Variants in JARID2 observed in about 807,000 individuals in gnomAD.
JARID2 encodes the protein protein Jumonji.
A neutral mutation model predicts 125.6 loss-of-function variants in JARID2; 21 were observed. That is an observed-to-expected ratio of 0.17 (90% confidence interval 0.12 to 0.24). JARID2 has a LOEUF of 0.24. Ranked by LOEUF, JARID2 falls within the 10% of genes least tolerant of loss-of-function variation. The pLI is 1.00. For missense variants in JARID2, 1,303 were observed against 1,639.6 expected (o/e 0.79, Z 3.55); for synonymous variants, 736 against 661.6 (o/e 1.11, Z -1.73).
intron 3 of JARID2, among the ~76,000 whole-genome samples, chr6:15,415,439 G>T (rs1316090231): frequency 2.0e-5 from 3 of 148,576 alleles, no homozygotes; most frequent in East Asian, 4.0e-4. Context: ...TGGCCGGGCG[G>T]GGGGCTGACA....
intron 9 of JARID2, among the ~76,000 whole-genome samples, chr6:15,506,481 T>G (rs895121932): frequency 2.6e-5 from 4 of 152,178 alleles, no homozygotes; most frequent in African/African-American, 9.7e-5. Flanking sequence ...TGGGGGCTTA[T>G]GAGTTAGGCT....
chr6:15,270,413 C>G (rs1039111929), intron 1 of JARID2, among the ~76,000 whole-genome samples: 2 of 152,084 alleles, frequency 1.3e-5, no homozygotes, highest in Non-Finnish European at 2.9e-5. Context: ...ATTACAGGCA[C>G]GAGCCACTGC....
intron 1 of JARID2, among the ~76,000 whole-genome samples, chr6:15,336,833 C>A (rs886345609): frequency 3.3e-5 from 5 of 151,952 alleles, no homozygotes; most frequent in African/African-American, 9.7e-5. Flanking sequence ...CCTGTGCGAG[C>A]CACTGTATTT....
At chr6:15,400,808 C>G (rs973814257) in intron 2 of JARID2, 3 of 1,246,484 alleles carry the variant, frequency 2.4e-6, no homozygotes, top group East Asian at 5.7e-5. Flanking sequence ...TATTGCCGCG[C>G]GGAATCTGCA....
intron 1 of JARID2, among the ~76,000 whole-genome samples, chr6:15,295,264 G>A (rs1459409056): frequency 1.3e-5 from 2 of 151,962 alleles, no homozygotes; most frequent in African/African-American, 4.8e-5. Flanking sequence ...TGGGACTACA[G>A]GCGCCCGCCA....
At chr6:15,275,179 A>G (rs975035333) in intron 1 of JARID2, among the ~76,000 whole-genome samples, 1 of 152,160 alleles carries the variant, frequency 6.6e-6, no homozygotes, top group Non-Finnish European at 1.5e-5. Flanking sequence ...GCTCAGGTTC[A>G]AGAGTGGAGA....
At chr6:15,272,293 G>A (rs1308201843) in intron 1 of JARID2, among the ~76,000 whole-genome samples, 1 of 152,190 alleles carries the variant, frequency 6.6e-6, no homozygotes, top group Non-Finnish European at 1.5e-5. Context: ...TAGCTATAAT[G>A]CGTTGCCTGC....
chr6:15,426,052 C>G (rs1338429154), intron 3 of JARID2, among the ~76,000 whole-genome samples: 1 of 152,140 alleles, frequency 6.6e-6, no homozygotes, highest in Non-Finnish European at 1.5e-5. Flanking sequence ...GTACCTGTTT[C>G]TGTGAACATG....
At chr6:15,352,298 T>G (rs1763456468) in intron 1 of JARID2, among the ~76,000 whole-genome samples, 1 of 151,838 alleles carries the variant, frequency 6.6e-6, no homozygotes, top group Non-Finnish European at 1.5e-5. Flanking sequence ...GTTAAGAAAC[T>G]ATGTAGCCCC....
At chr6:15,365,119 G>A (rs1388709975) in intron 1 of JARID2, among the ~76,000 whole-genome samples, 2 of 152,152 alleles carry the variant, frequency 1.3e-5, no homozygotes, top group African/African-American at 4.8e-5. Flanking sequence ...TTCCCAAAGT[G>A]AAGTCATATA....
chr6:15,420,429 T>C (rs1052800438), intron 3 of JARID2, among the ~76,000 whole-genome samples: 23 of 151,810 alleles, frequency 1.5e-4, no homozygotes, highest in Non-Finnish European at 2.6e-4. Context: ...TAGATTTTGG[T>C]CTTTCCATAA....
chr6:15,366,517 G>GT (rs1561816537), intron 1 of JARID2, among the ~76,000 whole-genome samples: 41 of 131,036 alleles, frequency 3.1e-4, no homozygotes, highest in African/African-American at 1.2e-3. Context: ...GGCGGGGGGG[G>GT]CGGGGGGGGT....
chr6:15,277,624 C>T (rs1760579333), intron 1 of JARID2, among the ~76,000 whole-genome samples: 1 of 152,132 alleles, frequency 6.6e-6, no homozygotes, highest in Admixed American at 6.6e-5. Context: ...TTTAAGGTAC[C>T]TGTTGAAAAT....
chr6:15,458,343 A>G (rs571022382), intron 4 of JARID2, among the ~76,000 whole-genome samples: 100 of 152,336 alleles, frequency 6.6e-4, no homozygotes, highest in Admixed American at 6.5e-3. Context: ...AAACCTACAT[A>G]CACAGTTCAT....
At chr6:15,466,667 CTG>C (rs1581603886) in intron 4 of JARID2, among the ~76,000 whole-genome samples, 1 of 152,344 alleles carries the variant, frequency 6.6e-6, no homozygotes, top group East Asian at 1.9e-4. Flanking sequence ...GATAACCTGT[CTG>C]TACCCATGAA....
At chr6:15,394,024 A>T (rs1490345851) in intron 2 of JARID2, among the ~76,000 whole-genome samples, 1 of 152,148 alleles carries the variant, frequency 6.6e-6, no homozygotes, top group African/African-American at 2.4e-5. Flanking sequence ...ATTTCATCTG[A>T]AAATCTGAAG....
At chr6:15,502,271 G>T (rs1047560141) in intron 8 of JARID2, among the ~76,000 whole-genome samples, 1 of 152,226 alleles carries the variant, frequency 6.6e-6, no homozygotes, top group African/African-American at 2.4e-5. Flanking sequence ...CAAGGCTTGG[G>T]GTTTCCTCCC....
chr6:15,380,628 C>T (rs759381974), intron 2 of JARID2, among the ~76,000 whole-genome samples: 1 of 152,114 alleles, frequency 6.6e-6, no homozygotes, highest in Non-Finnish European at 1.5e-5. Context: ...AATTTGTAGC[C>T]AAGGACCAGT....
chr6:15,321,783 G>GTT lies in JARID2; in HGVS notation c.46-52308_46-52307dup, dbSNP rs71687714. On this transcript the variant is annotated intron_variant, in intron 1 of 17. Coordinates refer to ENST00000341776, the MANE Select transcript of JARID2 (RefSeq NM_004973.4). ...TAATTTTATAATTGGAAGAATTCTT[G>GTT]TTTTTTTTTTTTTTTTTTTTTTTTT... Among the ~76,000 whole-genome samples the GTT allele has an allele frequency of 9.1e-3, 626 of 68,500 alleles. 87 individuals are homozygous for GTT. Among genetic ancestry groups the GTT allele is most frequent in the African/African-American group, 0.033 (573 of 17,412 alleles). The allele number at this position is 68,500 out of a possible 152,430, so 44.9% of individuals were successfully genotyped here.
Sources: allele counts gnomAD v4.1 joint callset (sites outside exome capture counted in the v4.1 genomes callset), GRCh38; gene constraint gnomAD v4.1.1; transcripts MANE v1.5; gene names NCBI Gene and HGNC (gene_info 2026-07-23, HGNC 2026-07-21).